The following TAGLN3 variants were observed in gnomAD, a reference collection of about 807,000 sequenced individuals.
TAGLN3 encodes transgelin 3, also known as transgelin-3.
A neutral mutation model predicts 25.4 loss-of-function variants in TAGLN3; 12 were observed. The ratio of observed to expected loss-of-function variants is 0.47; its 90% confidence interval spans 0.30 to 0.77. The LOEUF (loss-of-function observed/expected upper bound fraction) is 0.77, where lower values mean the gene tolerates loss of function less well. Among genes scored for constraint, TAGLN3 ranks in the 30% least tolerant of loss-of-function variants. The pLI is 0.06. For synonymous variants in TAGLN3, 96 were observed against 94.8 expected (o/e 1.01, Z -0.08); for missense variants, 218 against 255.8 (o/e 0.85, Z 1.01).
intron 3 of TAGLN3, among the ~76,000 whole-genome samples, chr3:112,008,384 A>T (rs2072941002): frequency 6.6e-6 from 1 of 152,188 alleles, no homozygotes; most frequent in Non-Finnish European, 1.5e-5. Flanking sequence ...GTGCAATCAT[A>T]GGTCACTGCA....
chr3:112,005,124 CT>C (rs1343309844), intron 3 of TAGLN3, among the ~76,000 whole-genome samples: 1 of 152,132 alleles, frequency 6.6e-6, no homozygotes. Flanking sequence ...TACATACTAA[CT>C]GTGTGACCTT....
chr3:112,004,083 T>A lies in TAGLN3; in HGVS notation c.355+3137T>A, dbSNP rs117962184. Among the ~76,000 whole-genome samples the A allele has an allele frequency of 2.3e-3, 355 of 152,270 alleles. 6 individuals are homozygous for A. In the East Asian group the frequency reaches 0.052, roughly 22 times the overall value. On this transcript the variant is annotated intron_variant, in intron 3 of 4. Transcript: ENST00000478951. The stretch of plus-strand genomic sequence containing the variant: ...GAAAAACAACACAATCACAGGGACA[T>A]TATAGATAAAGCTACTGAAGTCCCC...
Position 112,013,258 on chromosome 3 carries a change from C to T in TAGLN3, c.459-152C>T. 7 of 997,482 alleles carry T rather than the reference C, an allele frequency of 7.0e-6. No homozygotes were observed. The South Asian group carries it at 8.6e-5, about 12-fold the overall frequency. The allele number at this position is 997,482 out of a possible 1,614,324, so 61.8% of individuals were successfully genotyped here. ...TCCACAGTGCAGGGTAGGGCCATAGCTCAGAGTAGGGCCATAGCTCATAAC... is the reference window on the plus strand; with the variant it reads ...TCCACAGTGCAGGGTAGGGCCATAGTTCAGAGTAGGGCCATAGCTCATAAC... On this transcript the variant is annotated intron_variant, in intron 4 of 4. Transcript: ENST00000478951.
rs112929808 is a variant in TAGLN3 at position 112,013,799 on chromosome 3, ATTAT to A, written c.*271_*274del. ...CCTCGGGCCCCAGAGTCTCTGTTTG[ATTAT>A]TTATTTATTTATTTATTTATTTGCC... On this transcript the variant is annotated 3_prime_UTR_variant, in exon 5 of 5. Transcript: ENST00000478951. 0.011 allele frequency: 5,433 copies of A among 507,174 alleles called. 68 individuals are homozygous for A. Among genetic ancestry groups the A allele is most frequent in the South Asian group, 0.026 (1,160 of 45,178 alleles). 31.4% of individuals were successfully genotyped at this position (507,174 alleles called of 1,614,324 possible). A position where few individuals can be genotyped will look rare whatever the true frequency, so the allele number is the denominator to read the frequency against.
At position 112,000,820 on chromosome 3, in the gene TAGLN3, A is replaced by G; in HGVS notation, c.229A>G (p.Ile77Val). 3 of 1,614,174 alleles carry G rather than the reference A, an allele frequency of 1.9e-6. No individual in the cohort carries two copies. The highest frequency in any genetic ancestry group is 2.5e-6 in the Non-Finnish European group (3 of 1,180,016). ...TTTATACCCACCAGGACAAGAGCCC[A>G]TACCCAAGATCTCAGAGTCAAAGAT... ...NSLYPPGQEP[I>V]PKISESKMAF... Residue 77 changes from isoleucine (I) to valine (V), a missense_variant, in exon 3 of 5, where the codon ATA becomes GTA. Transcript: ENST00000478951.
At chr3:112,002,982 C>T (rs888030917) in intron 3 of TAGLN3, among the ~76,000 whole-genome samples, 3 of 152,074 alleles carry the variant, frequency 2.0e-5, no homozygotes, top group Non-Finnish European at 4.4e-5. Flanking sequence ...GACCAGTCAG[C>T]TCCAGGGCAA....
At chr3:112,006,514 C>G (rs1199159378) in intron 3 of TAGLN3, among the ~76,000 whole-genome samples, 1 of 152,214 alleles carries the variant, frequency 6.6e-6, no homozygotes, top group Non-Finnish European at 1.5e-5. Context: ...GTTTCATACA[C>G]TACTGCTTAC....
chr3:112,011,640 T>C (rs3749309), intron 3 of TAGLN3, 123 bp from the exon 4 acceptor site: 432,932 of 830,294 alleles, frequency 0.52, 116,925 homozygotes, highest in Middle Eastern at 0.59. Flanking sequence ...ATAGCACTGC[T>C]CCCTTGAATC....
chr3:112,006,704 C>T (rs1262711873), intron 3 of TAGLN3, among the ~76,000 whole-genome samples: 3 of 152,214 alleles, frequency 2.0e-5, no homozygotes, highest in Admixed American at 6.5e-5. Flanking sequence ...CAAGTTGACA[C>T]ACCCAAATGA....
At chr3:112,000,601 T>C (rs1347739936) in intron 2 of TAGLN3, 171 bp from the exon 3 acceptor site, 10 of 613,620 alleles carry the variant, frequency 1.6e-5, no homozygotes, top group Non-Finnish European at 2.3e-5. Context: ...TCTTTGGGGC[T>C]TAGTATAGGA....
At position 112,004,406 on chromosome 3, in the gene TAGLN3, A is replaced by AAG. The variant is rs1228804936; in HGVS notation, c.355+3472_355+3473dup. ...AAGGTGGGGGGCGGGGGGTGTGTGT[A>AAG]AGAGAGAGAGAGAACATATTAGAGC... On this transcript the variant is annotated intron_variant, in intron 3 of 4. Transcript: ENST00000478951. Among the ~76,000 whole-genome samples, 3 of 151,052 alleles carry AAG rather than the reference A, an allele frequency of 2.0e-5. No individual in the cohort carries two copies. The South Asian group carries it at 6.3e-4, about 32-fold the overall frequency.
intron 3 of TAGLN3, among the ~76,000 whole-genome samples, chr3:112,005,400 C>T (rs73232071): frequency 0.1 from 15,865 of 152,188 alleles, 1,102 homozygotes; most frequent in Middle Eastern, 0.2. Context: ...ACTCACAGAT[C>T]GATCAGTCTC....
intron 3 of TAGLN3, among the ~76,000 whole-genome samples, chr3:112,009,148 G>A (rs1283275474): frequency 1.3e-5 from 2 of 152,126 alleles, no homozygotes; most frequent in African/African-American, 4.8e-5. Flanking sequence ...CTGCCCTCAC[G>A]ACCCAAACAC....
intron 3 of TAGLN3, among the ~76,000 whole-genome samples, chr3:112,001,955 C>T (rs1029506688): frequency 2.0e-5 from 3 of 152,236 alleles, no homozygotes; most frequent in African/African-American, 4.8e-5. Context: ...GAAACAATTG[C>T]CTCCTTAATC....
At chr3:112,002,043 T>C (rs181125506) in intron 3 of TAGLN3, among the ~76,000 whole-genome samples, 3 of 152,324 alleles carry the variant, frequency 2.0e-5, no homozygotes, top group Admixed American at 2.0e-4. Flanking sequence ...GCTAATAAGT[T>C]TACCTTGTGG....
At chr3:111,999,362 C>T in intron 1 of TAGLN3, 59 bp from the exon 2 acceptor site, 13 of 1,574,452 alleles carry the variant, frequency 8.3e-6, no homozygotes, top group Non-Finnish European at 1.1e-5. Context: ...CTGCAGGGAG[C>T]CGGAGGCTGC....
At chr3:112,011,998 TC>T in intron 4 of TAGLN3, 133 bp downstream of exon 4, 1 of 740,164 alleles carries the variant, frequency 1.4e-6, no homozygotes, top group Non-Finnish European at 2.1e-6. Flanking sequence ...ACAACTGAGT[TC>T]CCCAAAGCAA....
At position 112,005,693 on chromosome 3, in the gene TAGLN3, C is replaced by CTTTTTT. The variant is rs1165368614; in HGVS notation, c.355+4750_355+4755dup. The stretch of plus-strand genomic sequence containing the variant: ...TGTCTGCTGCTCGAAGCCTAATTTT[C>CTTTTTT]TTTTTTTTCTTTTTTTTTTTTTTTG... On this transcript the variant is annotated intron_variant, in intron 3 of 4. Coordinates refer to ENST00000478951, the MANE Select transcript of TAGLN3 (RefSeq NM_001008272.2). Among the ~76,000 whole-genome samples, 4 of 79,938 alleles carry CTTTTTT rather than the reference C, an allele frequency of 5.0e-5. 2 individuals are homozygous for CTTTTTT. The highest frequency in any genetic ancestry group is 4.8e-5 in the Non-Finnish European group (2 of 41,908). 52.4% of individuals were successfully genotyped at this position (79,938 alleles called of 152,430 possible).
intron 3 of TAGLN3, among the ~76,000 whole-genome samples, chr3:112,002,174 C>A (rs62280160): frequency 0.19 from 29,363 of 152,174 alleles, 2,921 homozygotes; most frequent in Middle Eastern, 0.25. Context: ...CTTGCTTCCT[C>A]GATCAAAACT....
Sources: allele counts gnomAD v4.1 joint callset (sites outside exome capture counted in the v4.1 genomes callset), GRCh38; gene constraint gnomAD v4.1.1; transcripts MANE v1.5; gene names NCBI Gene and HGNC (gene_info 2026-07-23, HGNC 2026-07-21).